FMN2: variants seen among roughly 807,000 people sequenced by gnomAD.
FMN2 encodes the protein formin-2.
In FMN2, 51 loss-of-function variants were observed where a neutral mutation model predicts 142.3. That is an observed-to-expected ratio of 0.36 (90% CI 0.29 to 0.45). The LOEUF (loss-of-function observed/expected upper bound fraction) is 0.45, where lower values mean the gene tolerates loss of function less well. Among genes scored for constraint, FMN2 ranks in the 20% least tolerant of loss-of-function variants. The pLI, the probability that FMN2 is intolerant of heterozygous loss-of-function variation, is 1.00. For synonymous variants in FMN2, 882 were observed against 869.8 expected (o/e 1.01, Z -0.25); for missense variants, 1,936 against 2,122.8 (o/e 0.91, Z 1.73).
At chr1:240,256,995 G>A (rs1319597751) in intron 6 of FMN2, among the ~76,000 whole-genome samples, 1 of 152,188 alleles carries the variant, frequency 6.6e-6, no homozygotes, top group African/African-American at 2.4e-5. Context: ...AGATGCAATA[G>A]CTGTTAGAGC....
intron 6 of FMN2, among the ~76,000 whole-genome samples, chr1:240,251,291 TA>T (rs1289157351): frequency 1.3e-5 from 2 of 152,108 alleles, no homozygotes; most frequent in African/African-American, 4.8e-5. Context: ...CATTTGCTTC[TA>T]GGATTTTTTT....
intron 14 of FMN2, among the ~76,000 whole-genome samples, chr1:240,360,491 C>A (rs771469030): frequency 1.8e-4 from 27 of 152,236 alleles, no homozygotes; most frequent in Non-Finnish European, 3.2e-4. Flanking sequence ...TCTCTCTCAA[C>A]TTCAGTTGTA....
intron 4 of FMN2, among the ~76,000 whole-genome samples, chr1:240,201,278 A>G (rs1226732595): frequency 6.6e-6 from 1 of 152,138 alleles, no homozygotes; most frequent in Non-Finnish European, 1.5e-5. Context: ...CAGTTTATCA[A>G]TGATTTTTGG....
chr1:240,397,140 T>C (rs371659578), intron 15 of FMN2, among the ~76,000 whole-genome samples: 1 of 152,200 alleles, frequency 6.6e-6, no homozygotes, highest in Non-Finnish European at 1.5e-5. Context: ...ACTTTAATAA[T>C]TGCCATTCTG....
chr1:240,360,022 C>T (rs985513910), intron 14 of FMN2, among the ~76,000 whole-genome samples: 1 of 152,140 alleles, frequency 6.6e-6, no homozygotes, highest in Non-Finnish European at 1.5e-5. Flanking sequence ...ATATTTGCAC[C>T]ACAATATTGA....
intron 2 of FMN2, among the ~76,000 whole-genome samples, chr1:240,136,368 T>C (rs1029429040): frequency 6.6e-6 from 1 of 152,236 alleles, no homozygotes; most frequent in Admixed American, 6.5e-5. Flanking sequence ...AGTAGTTTCA[T>C]AGATTTTAGA....
chr1:240,399,721 G>A (rs1451556149), intron 15 of FMN2, among the ~76,000 whole-genome samples: 2 of 152,164 alleles, frequency 1.3e-5, no homozygotes, highest in Admixed American at 6.5e-5. Flanking sequence ...TTAAAGGGCA[G>A]ATGCTCCAGC....
intron 1 of FMN2, among the ~76,000 whole-genome samples, chr1:240,122,410 A>C (rs900487107): frequency 6.6e-6 from 1 of 151,902 alleles, no homozygotes; most frequent in Non-Finnish European, 1.5e-5. Flanking sequence ...CAGCCTCCCA[A>C]GTAACTGGGA....
intron 13 of FMN2, among the ~76,000 whole-genome samples, chr1:240,354,126 C>T (rs181986226): frequency 9.1e-4 from 138 of 152,094 alleles, no homozygotes; most frequent in African/African-American, 3.1e-3. Context: ...TCAGGTTAAG[C>T]GGTTGGGTCT....
chr1:240,390,463 T>C (rs1464903418), intron 14 of FMN2, among the ~76,000 whole-genome samples: 4 of 152,238 alleles, frequency 2.6e-5, no homozygotes, highest in African/African-American at 4.8e-5. Context: ...AAGAAGTCAT[T>C]ATGAACAAAT....
At chr1:240,450,318 C>T (rs1169727453) in intron 16 of FMN2, among the ~76,000 whole-genome samples, 1 of 152,084 alleles carries the variant, frequency 6.6e-6, no homozygotes, top group African/African-American at 2.4e-5. Context: ...TGCAGAATCC[C>T]TTTGAATATT....
intron 2 of FMN2, among the ~76,000 whole-genome samples, chr1:240,166,989 G>T (rs1558332902): frequency 6.6e-6 from 1 of 152,140 alleles, no homozygotes; most frequent in Non-Finnish European, 1.5e-5. Flanking sequence ...GGGTATGGTG[G>T]TGCATGCCTG....
intron 16 of FMN2, among the ~76,000 whole-genome samples, chr1:240,446,063 C>T (rs930068096): frequency 6.6e-6 from 1 of 152,150 alleles, no homozygotes; most frequent in Non-Finnish European, 1.5e-5. Context: ...AAACAGATTT[C>T]TCCTTTCTTC....
intron 7 of FMN2, among the ~76,000 whole-genome samples, chr1:240,286,327 A>G (rs1269198333): frequency 6.6e-6 from 1 of 152,184 alleles, no homozygotes; most frequent in Non-Finnish European, 1.5e-5. Context: ...CCAGAGACTT[A>G]GATTTAATTT....
chr1:240,111,747 G>C (rs1289107723), intron 1 of FMN2, among the ~76,000 whole-genome samples: 2 of 152,144 alleles, frequency 1.3e-5, no homozygotes, highest in African/African-American at 4.8e-5. Flanking sequence ...CATCCCAGTA[G>C]GTCTCGGTCT....
chr1:240,143,928 C>G, intron 2 of FMN2: 1 of 1,514,162 alleles, frequency 6.6e-7, no homozygotes, highest in Non-Finnish European at 9.2e-7. Flanking sequence ...AAGCCTAGCC[C>G]AAAGATGGAA....
chr1:240,300,901 T>C (rs1236537920), intron 8 of FMN2, among the ~76,000 whole-genome samples: 1 of 151,672 alleles, frequency 6.6e-6, no homozygotes, highest in Non-Finnish European at 1.5e-5. Context: ...TGTGCATGTT[T>C]TTTTTTTTTC....
At chr1:240,391,079 C>T (rs955615590) in intron 14 of FMN2, among the ~76,000 whole-genome samples, 3 of 151,634 alleles carry the variant, frequency 2.0e-5, no homozygotes. Context: ...ACAATATGTT[C>T]GTGCTGGAGC....
intron 3 of FMN2, among the ~76,000 whole-genome samples, chr1:240,184,171 G>A (rs1404697989): frequency 1.3e-5 from 2 of 151,496 alleles, no homozygotes; most frequent in African/African-American, 4.9e-5. Context: ...GGAGTCCATA[G>A]GGAGTCCAGA....
Sources: allele counts gnomAD v4.1 joint callset (sites outside exome capture counted in the v4.1 genomes callset), GRCh38; gene constraint gnomAD v4.1.1; transcripts MANE v1.5; gene names NCBI Gene and HGNC (gene_info 2026-07-23, HGNC 2026-07-21).